POLD3: variants seen among roughly 807,000 people sequenced by gnomAD.
POLD3 encodes DNA polymerase delta subunit 3.
Under a neutral mutation model 58.2 loss-of-function variants are expected in POLD3, and 19 were observed. The ratio of observed to expected loss-of-function variants is 0.33; its 90% CI spans 0.23 to 0.48. POLD3 has a LOEUF of 0.48. POLD3 is among the 20% of genes least tolerant of loss of function. The pLI, the probability that POLD3 is intolerant of heterozygous loss-of-function variation, is 0.99. For missense variants in POLD3, 504 were observed against 545.5 expected (o/e 0.92, Z 0.76); for synonymous variants, 172 against 193.5 (o/e 0.89, Z 0.92).
At chr11:74,647,413 G>A (rs553433797), downstream of POLD3, among the ~76,000 whole-genome samples, 1 of 38,342 alleles carries the variant, frequency 2.6e-5, no homozygotes, top group Non-Finnish European at 4.5e-5. Context: ...AACCTGCAAG[G>A]TCTCTCCCAC....
chr11:74,631,246 G>C (rs1022468522), intron 9 of POLD3, among the ~76,000 whole-genome samples: 5 of 152,170 alleles, frequency 3.3e-5, no homozygotes, highest in Non-Finnish European at 7.4e-5. Flanking sequence ...CAGGAGTAGA[G>C]AAAATACAAG....
At chr11:74,611,419 C>A in intron 3 of POLD3, 80 bp from the exon 4 acceptor site, 1 of 815,284 alleles carries the variant, frequency 1.2e-6, no homozygotes, top group Non-Finnish European at 2.1e-6. Flanking sequence ...CACATCCAAG[C>A]ACAATTGAAT....
chr11:74,636,301 C>A, intron 11 of POLD3, 26 bp downstream of exon 11: 1 of 1,609,474 alleles, frequency 6.2e-7, no homozygotes. Context: ...GGCTCCAAAT[C>A]CAGAGATAGA....
At chr11:74,619,774 C>A (rs1161771396) in intron 6 of POLD3, among the ~76,000 whole-genome samples, 3 of 152,046 alleles carry the variant, frequency 2.0e-5, no homozygotes, top group Non-Finnish European at 4.4e-5. Context: ...TTAGCTATAT[C>A]CATGGATAAT....
At chr11:74,638,138 T>C (rs532784804) in intron 11 of POLD3, among the ~76,000 whole-genome samples, 1 of 152,230 alleles carries the variant, frequency 6.6e-6, no homozygotes, top group East Asian at 1.9e-4. Context: ...CCAGGTTTGT[T>C]TGCCTTTTTT....
At chr11:74,644,040 A>G (rs1460158499), downstream of POLD3, among the ~76,000 whole-genome samples, 2 of 152,152 alleles carry the variant, frequency 1.3e-5, no homozygotes, top group Non-Finnish European at 2.9e-5. Flanking sequence ...TGACACTCTC[A>G]GTGATGAGCC....
At chr11:74,615,594 G>A (rs2032058385) in intron 5 of POLD3, among the ~76,000 whole-genome samples, 1 of 152,178 alleles carries the variant, frequency 6.6e-6, no homozygotes, top group African/African-American at 2.4e-5. Context: ...CAGAAAAGAG[G>A]GTGGTAGCTA....
intron 3 of POLD3, among the ~76,000 whole-genome samples, chr11:74,605,373 C>T (rs1818649202): frequency 6.6e-6 from 1 of 152,132 alleles, no homozygotes; most frequent in South Asian, 2.1e-4. Flanking sequence ...AAGGCTTTCT[C>T]AGGTCTGCTT....
At chr11:74,664,319 TG>T (rs2033240360) in intron 4 of POLD3, among the ~76,000 whole-genome samples, 1 of 152,178 alleles carries the variant, frequency 6.6e-6, no homozygotes, top group Non-Finnish European at 1.5e-5. Context: ...TACAAAGATT[TG>T]TACACTAATG....
intron 3 of POLD3, among the ~76,000 whole-genome samples, chr11:74,611,030 C>G (rs1485604936): frequency 2.6e-5 from 4 of 152,222 alleles, no homozygotes; most frequent in Admixed American, 6.5e-5. Flanking sequence ...CCACTTCGGC[C>G]TCCCAAAGTG....
intron 4 of POLD3, among the ~76,000 whole-genome samples, chr11:74,658,018 T>C (rs978990315): frequency 6.6e-6 from 1 of 152,184 alleles, no homozygotes; most frequent in Non-Finnish European, 1.5e-5. Flanking sequence ...TTAAATCTAT[T>C]TGGTGTTCTA....
chr11:74,621,698 T>C (rs2032265470), intron 7 of POLD3, among the ~76,000 whole-genome samples: 1 of 151,970 alleles, frequency 6.6e-6, no homozygotes, highest in Non-Finnish European at 1.5e-5. Flanking sequence ...GTCCTTATAT[T>C]CTACTGAGAG....
intron 6 of POLD3, among the ~76,000 whole-genome samples, chr11:74,619,445 G>C (rs1017533420): frequency 4.6e-5 from 7 of 152,086 alleles, no homozygotes; most frequent in African/African-American, 1.7e-4. Flanking sequence ...GTCTGTCTTG[G>C]GAAAGAAGAA....
chr11:74,649,699 C>T (rs567042125), intron 4 of POLD3, among the ~76,000 whole-genome samples: 1 of 151,888 alleles, frequency 6.6e-6, no homozygotes, highest in Non-Finnish European at 1.5e-5. Flanking sequence ...TTAGAAGCAG[C>T]AAAGCAGCAA....
intron 11 of POLD3, chr11:74,638,708 AG>A (rs2135181632): frequency 2.2e-6 from 1 of 454,370 alleles, no homozygotes; most frequent in African/African-American, 2.0e-5. Context: ...TAATTATCTT[AG>A]AGCAACATTT....
intron 5 of POLD3, among the ~76,000 whole-genome samples, chr11:74,614,921 A>G (rs1167727740): frequency 6.6e-6 from 1 of 152,190 alleles, no homozygotes; most frequent in African/African-American, 2.4e-5. Context: ...GTTGAGTTTG[A>G]GAAGCTTGTG....
intron 11 of POLD3, among the ~76,000 whole-genome samples, 172 bp from the exon 12 acceptor site, chr11:74,640,392 G>T (rs2032878858): frequency 6.6e-6 from 1 of 152,168 alleles, no homozygotes; most frequent in Admixed American, 6.5e-5. Context: ...ATCCCACATA[G>T]TTCCTACCTT....
At chr11:74,604,441 A>AT in intron 2 of POLD3, 1 of 358,290 alleles carries the variant, frequency 2.8e-6, no homozygotes, top group Non-Finnish European at 5.1e-6. Flanking sequence ...CTCTTGGTCT[A>AT]TTATTAATCT....
chr11:74,660,685 G>A (rs1190223354), intron 4 of POLD3, among the ~76,000 whole-genome samples: 1 of 151,950 alleles, frequency 6.6e-6, no homozygotes, highest in Non-Finnish European at 1.5e-5. Context: ...TTTAAAAGTG[G>A]GTAGCACCTC....
Sources: gnomAD v4.1 joint callset for allele counts (sites outside exome capture counted in the v4.1 genomes callset) on GRCh38, gnomAD v4.1.1 for gene constraint, MANE v1.5 for transcripts, NCBI Gene and HGNC (gene_info 2026-07-23, HGNC 2026-07-21) for gene names.